CD1B: variants seen among roughly 807,000 people sequenced by gnomAD.
CD1B encodes CD1b molecule.
In CD1B, 43 loss-of-function variants were observed where a neutral mutation model predicts 39.8. The ratio of observed to expected loss-of-function variants is 1.08; its 90% CI spans 0.85 to 1.39. CD1B has a LOEUF of 1.39. CD1B is among the 40% of genes most tolerant of loss of function. The pLI is 0.00. For synonymous variants in CD1B, 192 were observed against 152.5 expected, an observed-to-expected ratio of 1.26 and a Z score of -1.91; for missense variants, 495 against 403.8, an observed-to-expected ratio of 1.23 and a Z score of -1.94.
the CD1B span, among the ~76,000 whole-genome samples, chr1:158,308,294 A>G: frequency 1.3e-5 from 2 of 152,340 alleles, no homozygotes; most frequent in South Asian, 4.1e-4. Context: ...GGACCTCTTC[A>G]AGGAGAACTA....
the CD1B span, among the ~76,000 whole-genome samples, chr1:158,310,456 A>C: frequency 1.4e-3 from 217 of 152,332 alleles, 1 homozygote; most frequent in African/African-American, 4.5e-3. Flanking sequence ...AATGTAAACA[A>C]AAATTAAATG....
At chr1:158,303,118 T>C in the CD1B span, among the ~76,000 whole-genome samples, 1 of 152,170 alleles carries the variant, frequency 6.6e-6, no homozygotes, top group African/African-American at 2.4e-5. Flanking sequence ...GGACTCAAGG[T>C]TGGTTCAACA....
the CD1B span, among the ~76,000 whole-genome samples, chr1:158,317,956 C>T: frequency 6.6e-6 from 1 of 152,128 alleles, no homozygotes; most frequent in African/African-American, 2.4e-5. Flanking sequence ...GTTCAGTTTC[C>T]ATGTAGTTGT....
chr1:158,292,243 G>A, the CD1B span: 1 of 1,614,156 alleles, frequency 6.2e-7, no homozygotes, highest in Non-Finnish European at 8.5e-7. Flanking sequence ...CAAAGTGTCT[G>A]TCATCTACTC....
the CD1B span, among the ~76,000 whole-genome samples, chr1:158,321,757 A>G: frequency 6.6e-6 from 1 of 152,120 alleles, no homozygotes; most frequent in Non-Finnish European, 1.5e-5. Context: ...TTTTATTTTA[A>G]ATTTCCTACT....
the CD1B span, chr1:158,292,255 A>G: frequency 1.9e-6 from 3 of 1,614,180 alleles, no homozygotes; most frequent in Non-Finnish European, 1.7e-6. Flanking sequence ...CATCTACTCA[A>G]TCATCAGTAT....
At chr1:158,304,017 C>T in the CD1B span, among the ~76,000 whole-genome samples, 1 of 152,056 alleles carries the variant, frequency 6.6e-6, no homozygotes, top group Non-Finnish European at 1.5e-5. Flanking sequence ...GCATGAGCGA[C>T]ACAGAAGACG....
the CD1B span, among the ~76,000 whole-genome samples, chr1:158,297,628 G>A: frequency 1.3e-5 from 2 of 152,036 alleles, no homozygotes; most frequent in African/African-American, 4.8e-5. Context: ...AACACCCCAA[G>A]ACACAGAGTG....
chr1:158,291,934 C>A, the CD1B span: 1 of 746,066 alleles, frequency 1.3e-6, no homozygotes, highest in Non-Finnish European at 2.2e-6. Context: ...AGCAATTTTT[C>A]TCTCTTGTTT....
At chr1:158,299,016 T>C in the CD1B span, among the ~76,000 whole-genome samples, 1 of 152,144 alleles carries the variant, frequency 6.6e-6, no homozygotes, top group South Asian at 2.1e-4. Flanking sequence ...TTTCTTTCTC[T>C]TGCCTGATTG....
chr1:158,308,393 A>G, the CD1B span, among the ~76,000 whole-genome samples: 6 of 152,214 alleles, frequency 3.9e-5, no homozygotes, highest in Non-Finnish European at 8.8e-5. Flanking sequence ...TATCATGAAA[A>G]TGGCCATACT....
the CD1B span, among the ~76,000 whole-genome samples, chr1:158,305,124 C>T: frequency 1.3e-4 from 20 of 151,874 alleles, no homozygotes; most frequent in Admixed American, 7.2e-4. Context: ...AGGCATCAGA[C>T]GATCAAACTA....
the CD1B span, chr1:158,293,199 C>T: frequency 6.3e-7 from 1 of 1,597,534 alleles, no homozygotes; most frequent in East Asian, 2.2e-5. Flanking sequence ...ATGTATCTTT[C>T]CAATATGTGC....
At chr1:158,308,554 G>T in the CD1B span, among the ~76,000 whole-genome samples, 4 of 152,176 alleles carry the variant, frequency 2.6e-5, 1 homozygote, top group Non-Finnish European at 5.9e-5. Context: ...TAAAGCTGGA[G>T]GCATCACACT....
chr1:158,298,378 A>G, the CD1B span, among the ~76,000 whole-genome samples: 1 of 152,220 alleles, frequency 6.6e-6, no homozygotes, highest in African/African-American at 2.4e-5. Flanking sequence ...CTTAAACTCG[A>G]CACTTGACCA....
chr1:158,323,477 T>A (rs1165473859), downstream of CD1B, among the ~76,000 whole-genome samples: 1 of 152,192 alleles, frequency 6.6e-6, no homozygotes, highest in Non-Finnish European at 1.5e-5. Flanking sequence ...TGCATCACTT[T>A]AGGGTTTGTC....
At chr1:158,310,949 G>T in the CD1B span, among the ~76,000 whole-genome samples, 86 of 152,042 alleles carry the variant, frequency 5.7e-4, 1 homozygote, top group South Asian at 0.016. Flanking sequence ...ACTACCTATG[G>T]GTACTATGCT....
rs752254857 is a variant in CD1B at position 158,329,641 on chromosome 1, AG to A, written c.614del (p.Pro205LeufsTer32). On this transcript the variant is annotated frameshift_variant, in exon 4 of 6. Coordinates refer to ENST00000368168, the MANE Select transcript of CD1B (RefSeq NM_001764.3). LOFTEE classifies it high-confidence loss of function. ...TGGGGCCACTGGACAGCCAGGCCTC[AG>A]GCTTCACTAAGGCAGGAAGGAGAAA... ...GKADLQRQVK[P>X]EAWLSSGPSP... The A allele has an allele frequency of 5.6e-6, 9 of 1,613,806 alleles. No individual in the cohort carries two copies. In the Admixed American group the frequency reaches 1.0e-4, roughly 18 times the overall value.
At chr1:158,314,694 T>C in the CD1B span, among the ~76,000 whole-genome samples, 3 of 152,166 alleles carry the variant, frequency 2.0e-5, no homozygotes, top group Non-Finnish European at 4.4e-5. Flanking sequence ...TTTAGGGTAA[T>C]GTGCACATTG....
Sources: gnomAD v4.1 joint callset for allele counts (sites outside exome capture counted in the v4.1 genomes callset) on GRCh38, gnomAD v4.1.1 for gene constraint, MANE v1.5 for transcripts, NCBI Gene and HGNC (gene_info 2026-07-23, HGNC 2026-07-21) for gene names.